CADM2: variants seen among roughly 807,000 people sequenced by gnomAD.
The protein encoded by CADM2 is immunoglobulin superfamily member 4D.
A neutral mutation model predicts 49.8 loss-of-function variants in CADM2; 12 were observed. The observed-to-expected ratio is 0.24, with a 90% CI of 0.15 to 0.39. The LOEUF (loss-of-function observed/expected upper bound fraction) is 0.39, where lower values mean the gene tolerates loss of function less well. Ranked by LOEUF, CADM2 falls within the 10% of genes least tolerant of loss-of-function variation. The pLI, the probability that CADM2 is intolerant of heterozygous loss-of-function variation, is 1.00. For missense variants in CADM2, 378 were observed against 492.3 expected (o/e 0.77, Z 2.20); for synonymous variants, 214 against 175.4 (o/e 1.22, Z -1.74).
At chr3:85,474,714 A>G (rs916145250) in intron 1 of CADM2, among the ~76,000 whole-genome samples, 4 of 151,988 alleles carry the variant, frequency 2.6e-5, no homozygotes, top group Non-Finnish European at 4.4e-5. Context: ...GTGTGATGAT[A>G]TCCACTTAGA....
intron 2 of CADM2, among the ~76,000 whole-genome samples, chr3:85,778,493 A>T (rs2070468686): frequency 6.6e-6 from 1 of 152,052 alleles, no homozygotes; most frequent in African/African-American, 2.4e-5. Flanking sequence ...ATAATGCACG[A>T]GATCTGATGG....
At chr3:85,701,969 GAC>G (rs1248249733) in intron 1 of CADM2, among the ~76,000 whole-genome samples, 7 of 106,604 alleles carry the variant, frequency 6.6e-5, no homozygotes, top group East Asian at 5.9e-4. Flanking sequence ...TAGATAGATA[GAC>G]ATAGATAGAT....
At chr3:84,984,253 T>A (rs896606214) in intron 1 of CADM2, among the ~76,000 whole-genome samples, 3 of 149,850 alleles carry the variant, frequency 2.0e-5, no homozygotes, top group Non-Finnish European at 4.4e-5. Flanking sequence ...GTCCAAAGAC[T>A]GAACTCATTA....
chr3:85,182,564 A>T (rs2040962846), intron 1 of CADM2, among the ~76,000 whole-genome samples: 1 of 152,186 alleles, frequency 6.6e-6, no homozygotes, highest in Non-Finnish European at 1.5e-5. Flanking sequence ...GACTAAGGAG[A>T]TGAGGTAACT....
At chr3:85,963,528 C>A (rs1008902373) in intron 8 of CADM2, among the ~76,000 whole-genome samples, 4 of 151,860 alleles carry the variant, frequency 2.6e-5, no homozygotes, top group African/African-American at 7.2e-5. Flanking sequence ...CCTTAATTTT[C>A]CAAGTGCTTC....
At chr3:85,488,788 C>G (rs1412989339) in intron 1 of CADM2, among the ~76,000 whole-genome samples, 1 of 152,108 alleles carries the variant, frequency 6.6e-6, no homozygotes, top group African/African-American at 2.4e-5. Flanking sequence ...CTCGGCCTCC[C>G]AAAGTGCTGG....
At chr3:86,035,403 A>G (rs17024230) in intron 8 of CADM2, among the ~76,000 whole-genome samples, 5,217 of 152,086 alleles carry the variant, frequency 0.034, 175 homozygotes, top group African/African-American at 0.084. Context: ...TTCATCATCT[A>G]ATGGTAATTC....
In CADM2 at chr3:85,644,275, C is replaced by T. The variant is rs190748470; in HGVS notation, c.62-82247C>T. The stretch of plus-strand genomic sequence containing the variant: ...AGAGAGGAAGAAAGAGAAAGAGTTC[C>T]GGCATCCATTGCTCTTCTTAGAAGG... On this transcript the variant is annotated intron_variant, in intron 1 of 9. Coordinates refer to ENST00000383699, the MANE Select transcript of CADM2 (RefSeq NM_001167675.2). 5.3e-5 allele frequency among the ~76,000 whole-genome samples: 8 copies of T among 152,142 alleles called. No individual in the cohort carries two copies. In the East Asian group the frequency reaches 5.8e-4, roughly 11 times the overall value.
intron 1 of CADM2, among the ~76,000 whole-genome samples, chr3:85,097,628 T>G (rs1410153395): frequency 1.3e-5 from 2 of 152,176 alleles, no homozygotes; most frequent in African/African-American, 4.8e-5. Flanking sequence ...AGTGTAAAAG[T>G]GTTCCTATTT....
intron 1 of CADM2, among the ~76,000 whole-genome samples, chr3:85,388,028 TAATGTACAGGCA>T (rs2034330259): frequency 1.3e-5 from 2 of 152,202 alleles, no homozygotes; most frequent in African/African-American, 4.8e-5. Flanking sequence ...ATAAGTCCAA[TAATGTACAGGCA>T]AATGTTTAGT....
At chr3:85,352,276 A>T (rs577275344) in intron 1 of CADM2, among the ~76,000 whole-genome samples, 2 of 152,170 alleles carry the variant, frequency 1.3e-5, no homozygotes, top group Non-Finnish European at 2.9e-5. Context: ...TAAAAGCAGC[A>T]CTAGAAGACA....
chr3:85,368,524 A>G (rs2032965308), intron 1 of CADM2, among the ~76,000 whole-genome samples: 9 of 150,208 alleles, frequency 6.0e-5, no homozygotes. Context: ...ATACATGAAT[A>G]TTAATATATA....
chr3:85,352,402 G>C (rs920569344), intron 1 of CADM2, among the ~76,000 whole-genome samples: 1 of 152,094 alleles, frequency 6.6e-6, no homozygotes, highest in East Asian at 1.9e-4. Flanking sequence ...TATATCTTAA[G>C]AAGTTTATAT....
chr3:85,612,469 A>G (rs913811846), intron 1 of CADM2, among the ~76,000 whole-genome samples: 1 of 151,870 alleles, frequency 6.6e-6, no homozygotes, highest in Non-Finnish European at 1.5e-5. Flanking sequence ...ACTATTAATA[A>G]TGGAAATTTG....
At chr3:85,228,614 C>G (rs746282829) in intron 1 of CADM2, among the ~76,000 whole-genome samples, 2 of 151,940 alleles carry the variant, frequency 1.3e-5, no homozygotes, top group Non-Finnish European at 2.9e-5. Context: ...GAGGCCCCCT[C>G]CACACTGTGT....
At chr3:85,317,692 G>A (rs945184233) in intron 1 of CADM2, among the ~76,000 whole-genome samples, 4 of 152,164 alleles carry the variant, frequency 2.6e-5, no homozygotes, top group Admixed American at 2.6e-4. Context: ...ATCCATTCAT[G>A]AGGGCAGAGC....
intron 7 of CADM2, among the ~76,000 whole-genome samples, chr3:85,946,166 A>T (rs1453215963): frequency 6.6e-6 from 1 of 152,032 alleles, no homozygotes; most frequent in Admixed American, 6.6e-5. Context: ...TCATGAGTGA[A>T]CTCCCATTCA....
chr3:85,759,166 T>A (rs1287096364), intron 2 of CADM2, among the ~76,000 whole-genome samples: 1 of 152,086 alleles, frequency 6.6e-6, no homozygotes, highest in South Asian at 2.1e-4. Flanking sequence ...ATCTTCCTTT[T>A]TATCATGCTT....
intron 1 of CADM2, among the ~76,000 whole-genome samples, chr3:85,603,438 G>GT (rs1471498288): frequency 6.6e-6 from 1 of 151,766 alleles, no homozygotes; most frequent in Admixed American, 6.6e-5. Context: ...CTACACATTT[G>GT]TTTTTCCTCA....
Sources: allele counts gnomAD v4.1 joint callset (sites outside exome capture counted in the v4.1 genomes callset), GRCh38; gene constraint gnomAD v4.1.1; transcripts MANE v1.5; gene names NCBI Gene and HGNC (gene_info 2026-07-23, HGNC 2026-07-21).